Variants in ACTMAP observed in about 807,000 individuals in gnomAD.
ACTMAP encodes actin maturation protease.
the ACTMAP span, chr19:40,745,277 G>A: frequency 3.2e-4 from 440 of 1,363,734 alleles, 1 homozygote; most frequent in African/African-American, 5.7e-3. Context: ...GGGAGTGGTC[G>A]TATCCAGGGA....
the ACTMAP span, chr19:40,744,036 C>T: frequency 5.8e-5 from 93 of 1,614,016 alleles, no homozygotes; most frequent in East Asian, 1.4e-3. Flanking sequence ...TTTGCCACCC[C>T]TGCCCTCCTC....
At chr19:40,744,997 G>T in the ACTMAP span, 2 of 1,129,042 alleles carry the variant, frequency 1.8e-6, no homozygotes, top group South Asian at 1.4e-5. Flanking sequence ...TGAGTGGAAA[G>T]TTCCCCCTTT....
the ACTMAP span, chr19:40,741,549 G>A: frequency 0.015 from 5,699 of 369,318 alleles, 265 homozygotes; most frequent in African/African-American, 0.1. Flanking sequence ...GAGTGGAGGG[G>A]TCAGGTATTC....
At chr19:40,747,753 C>T in the ACTMAP span, among the ~76,000 whole-genome samples, 1 of 152,006 alleles carries the variant, frequency 6.6e-6, no homozygotes, top group Non-Finnish European at 1.5e-5. Flanking sequence ...GTGGTCCCAG[C>T]TATTTTGGAG....
the ACTMAP span, among the ~76,000 whole-genome samples, chr19:40,743,634 G>T: frequency 6.6e-6 from 1 of 152,212 alleles, no homozygotes; most frequent in Non-Finnish European, 1.5e-5. Context: ...GCTGTCCAGA[G>T]AGGTGATGAT....
the ACTMAP span, chr19:40,742,576 C>G: frequency 6.2e-7 from 1 of 1,607,024 alleles, no homozygotes. Context: ...CTCTCCCGGA[C>G]CTGGTCGTAG....
the ACTMAP span, among the ~76,000 whole-genome samples, chr19:40,749,157 ATT>A: frequency 6.6e-6 from 1 of 151,636 alleles, no homozygotes; most frequent in Non-Finnish European, 1.5e-5. Flanking sequence ...CACCTGGCTA[ATT>A]TTTGTATTTT....
chr19:40,748,190 C>A, the ACTMAP span, among the ~76,000 whole-genome samples: 1 of 151,814 alleles, frequency 6.6e-6, no homozygotes, highest in Non-Finnish European at 1.5e-5. Flanking sequence ...GAGGCCAGGC[C>A]CAGTGGCTCA....
the ACTMAP span, chr19:40,743,842 G>A: frequency 1.5e-5 from 24 of 1,579,714 alleles, no homozygotes; most frequent in Admixed American, 1.0e-4. Context: ...AGAATGTCAG[G>A]AGGATTAATG....
At chr19:40,745,431 C>CA in the ACTMAP span, among the ~76,000 whole-genome samples, 1 of 152,192 alleles carries the variant, frequency 6.6e-6, no homozygotes, top group East Asian at 1.9e-4. Flanking sequence ...CTCGCTCTCT[C>CA]AGTTATTGAA....
the ACTMAP span, chr19:40,749,407 C>G: frequency 6.4e-6 from 9 of 1,402,100 alleles, no homozygotes; most frequent in East Asian, 2.5e-5. Flanking sequence ...CACGGGAACC[C>G]CCCCCCCACC....
chr19:40,745,082 A>G, the ACTMAP span: 1 of 1,543,290 alleles, frequency 6.5e-7, no homozygotes, highest in Non-Finnish European at 8.8e-7. Context: ...CAGCAAGGGC[A>G]GAGTAAAGGC....
chr19:40,742,432 G>A, the ACTMAP span: 1 of 1,456,854 alleles, frequency 6.9e-7, no homozygotes, highest in Non-Finnish European at 9.1e-7. Context: ...CGCAGCCGCA[G>A]CTAATGGCTG....
chr19:40,744,611 G>A, the ACTMAP span: 5 of 1,613,876 alleles, frequency 3.1e-6, no homozygotes, highest in South Asian at 1.1e-5. Flanking sequence ...CCACCCGTAT[G>A]AGTCTCTCCA....
chr19:40,745,768 G>C, the ACTMAP span, among the ~76,000 whole-genome samples: 1 of 152,164 alleles, frequency 6.6e-6, no homozygotes, highest in Non-Finnish European at 1.5e-5. Context: ...TACCTCCCGG[G>C]TTCAAGTGGG....
At chr19:40,749,427 C>A in the ACTMAP span, 8 of 1,248,646 alleles carry the variant, frequency 6.4e-6, no homozygotes, top group East Asian at 2.8e-5. Context: ...CCCAAGAGAT[C>A]TGTGAAGTGT....
At chr19:40,745,996 G>A in the ACTMAP span, among the ~76,000 whole-genome samples, 2 of 152,258 alleles carry the variant, frequency 1.3e-5, no homozygotes, top group African/African-American at 4.8e-5. Context: ...GTAGAGATGA[G>A]ATCATGCTAT....
the ACTMAP span, chr19:40,743,951 C>T: frequency 9.3e-6 from 15 of 1,614,060 alleles, no homozygotes; most frequent in Non-Finnish European, 1.3e-5. Context: ...TCTGACACGG[C>T]TCATGGTTGA....
At chr19:40,744,067 G>A in the ACTMAP span, 17 of 1,613,850 alleles carry the variant, frequency 1.1e-5, no homozygotes, top group Admixed American at 5.0e-5. Context: ...CCTGGGATAC[G>A]GGATGAGCAG....
Sources: gnomAD v4.1 joint callset for allele counts (sites outside exome capture counted in the v4.1 genomes callset) on GRCh38, gnomAD v4.1.1 for gene constraint, MANE v1.5 for transcripts, NCBI Gene and HGNC (gene_info 2026-07-23, HGNC 2026-07-21) for gene names.